KHDRBS2: variants seen among roughly 807,000 people sequenced by gnomAD.
The protein encoded by KHDRBS2 is KH domain-containing, RNA-binding, signal transduction-associated protein 2.
Under a neutral mutation model 44.3 loss-of-function variants are expected in KHDRBS2, and 26 were observed. That is an observed-to-expected ratio of 0.59 (90% CI 0.43 to 0.81). The LOEUF (loss-of-function observed/expected upper bound fraction) is 0.81. Among genes scored for constraint, KHDRBS2 ranks in the 40% least tolerant of loss-of-function variants. KHDRBS2 has a pLI of 0.00. For missense variants in KHDRBS2, 476 were observed against 433.1 expected, an observed-to-expected ratio of 1.10 and a Z score of -0.88; for synonymous variants, 194 against 151.1, an observed-to-expected ratio of 1.28 and a Z score of -2.08.
At chr6:61,553,751 T>G in the KHDRBS2 span, among the ~76,000 whole-genome samples, 16 of 152,200 alleles carry the variant, frequency 1.1e-4, no homozygotes, top group Non-Finnish European at 1.9e-4. Flanking sequence ...TTGATTTCAT[T>G]ATTTACCAAA....
the KHDRBS2 span, among the ~76,000 whole-genome samples, chr6:61,601,334 C>A: frequency 1.3e-5 from 2 of 152,084 alleles, no homozygotes; most frequent in African/African-American, 4.8e-5. Context: ...AACTTCCACC[C>A]TCCATTCCTC....
chr6:62,225,229 G>T lies in KHDRBS2; in HGVS notation c.92-47917C>A, dbSNP rs1465182006. Reference sequence around the variant, plus strand: ...GGTCTAATCTGATCAATCCAGGAGGGTTCACTTATCCCACTGATCTTTGTG... The same window carrying T: ...GGTCTAATCTGATCAATCCAGGAGGTTTCACTTATCCCACTGATCTTTGTG... On this transcript the variant is annotated intron_variant, in intron 1 of 8. Coordinates refer to ENST00000281156, the MANE Select transcript of KHDRBS2 (RefSeq NM_152688.4). Among the ~76,000 whole-genome samples, 5 of 152,068 alleles carry T rather than the reference G, an allele frequency of 3.3e-5. No individual in the cohort carries two copies. In the East Asian group the frequency reaches 7.7e-4, roughly 23 times the overall value.
At chr6:61,578,125 C>T in the KHDRBS2 span, among the ~76,000 whole-genome samples, 1 of 152,078 alleles carries the variant, frequency 6.6e-6, no homozygotes, top group African/African-American at 2.4e-5. Context: ...TTGGTTAAAA[C>T]ACTCAGAGCA....
the KHDRBS2 span, among the ~76,000 whole-genome samples, chr6:61,618,136 G>C: frequency 3.2e-4 from 49 of 152,242 alleles, no homozygotes; most frequent in East Asian, 3.9e-3. Flanking sequence ...TAACACTTTT[G>C]AAGGCAAATC....
At chr6:61,920,734 T>C (rs1441083610) in intron 4 of KHDRBS2, among the ~76,000 whole-genome samples, 1 of 151,960 alleles carries the variant, frequency 6.6e-6, no homozygotes, top group Non-Finnish European at 1.5e-5. Context: ...GATTCAGTCC[T>C]AAAAAAGTGC....
At chr6:62,177,832 T>C (rs921965404) in intron 1 of KHDRBS2, among the ~76,000 whole-genome samples, 2 of 151,446 alleles carry the variant, frequency 1.3e-5, no homozygotes, top group African/African-American at 2.4e-5. Context: ...AGAAAAGTCA[T>C]ATAAATGATT....
intron 2 of KHDRBS2, among the ~76,000 whole-genome samples, chr6:62,169,714 C>T (rs569366710): frequency 1.3e-5 from 2 of 152,116 alleles, no homozygotes; most frequent in African/African-American, 2.4e-5. Context: ...ATGCCCCGGC[C>T]CCACTGCATT....
intron 2 of KHDRBS2, among the ~76,000 whole-genome samples, chr6:62,087,203 C>G (rs1165509760): frequency 6.6e-6 from 1 of 152,036 alleles, no homozygotes; most frequent in East Asian, 1.9e-4. Flanking sequence ...ATCCATATAA[C>G]ATTCCACAAA....
chr6:61,672,432 C>T, the KHDRBS2 span, among the ~76,000 whole-genome samples: 1 of 152,072 alleles, frequency 6.6e-6, no homozygotes, highest in African/African-American at 2.4e-5. Flanking sequence ...CTGACTTCCA[C>T]AATGGCTGAA....
chr6:62,028,174 A>T (rs1783717172), intron 3 of KHDRBS2, among the ~76,000 whole-genome samples: 1 of 151,812 alleles, frequency 6.6e-6, no homozygotes, highest in South Asian at 2.1e-4. Flanking sequence ...CTGGGAAAAA[A>T]CTCCACACAT....
intron 1 of KHDRBS2, among the ~76,000 whole-genome samples, chr6:62,220,123 C>T (rs1246839452): frequency 6.6e-6 from 1 of 151,324 alleles, no homozygotes; most frequent in African/African-American, 2.4e-5. Context: ...AAGCCAGAAG[C>T]AATTGAATGA....
chr6:61,635,384 T>A, the KHDRBS2 span, among the ~76,000 whole-genome samples: 1 of 151,958 alleles, frequency 6.6e-6, no homozygotes, highest in Non-Finnish European at 1.5e-5. Flanking sequence ...TTCTCCCTAA[T>A]TTTAAAACCG....
chr6:61,742,407 T>C (rs1776265446), intron 6 of KHDRBS2, among the ~76,000 whole-genome samples: 1 of 152,042 alleles, frequency 6.6e-6, no homozygotes, highest in African/African-American at 2.4e-5. Context: ...AATATTTTGA[T>C]AGTTACTATT....
chr6:61,955,037 CATGTATGTATACATAT>C (rs1214857182), intron 4 of KHDRBS2, among the ~76,000 whole-genome samples: 5 of 142,930 alleles, frequency 3.5e-5, no homozygotes, highest in South Asian at 2.2e-4. Context: ...TATATACATA[CATGTATGTATACATAT>C]ATGTATGTAT....
At chr6:61,831,171 G>T (rs1010201064) in intron 6 of KHDRBS2, among the ~76,000 whole-genome samples, 4 of 152,036 alleles carry the variant, frequency 2.6e-5, no homozygotes, top group Non-Finnish European at 5.9e-5. Flanking sequence ...GCCTTTTTAA[G>T]ACATGTTCAG....
the KHDRBS2 span, among the ~76,000 whole-genome samples, chr6:61,673,232 C>T: frequency 2.0e-5 from 3 of 152,070 alleles, no homozygotes; most frequent in Non-Finnish European, 2.9e-5. Flanking sequence ...CAGTACCATG[C>T]TGTTTTGGTT....
chr6:61,566,034 T>C, the KHDRBS2 span, among the ~76,000 whole-genome samples: 1 of 151,914 alleles, frequency 6.6e-6, no homozygotes, highest in Admixed American at 6.6e-5. Flanking sequence ...TGTGCATGTG[T>C]GTGTATGCAA....
At chr6:62,248,393 C>T (rs1252185686) in intron 1 of KHDRBS2, among the ~76,000 whole-genome samples, 1 of 151,822 alleles carries the variant, frequency 6.6e-6, no homozygotes, top group Non-Finnish European at 1.5e-5. Flanking sequence ...GAGTCTTGCT[C>T]TGTCACCCAG....
At chr6:61,896,086 A>G (rs1350521095) in intron 5 of KHDRBS2, among the ~76,000 whole-genome samples, 2 of 152,194 alleles carry the variant, frequency 1.3e-5, no homozygotes, top group African/African-American at 4.8e-5. Context: ...CTGCAAGTAC[A>G]ACATGGCTAA....
Sources: allele counts gnomAD v4.1 joint callset (sites outside exome capture counted in the v4.1 genomes callset), GRCh38; gene constraint gnomAD v4.1.1; transcripts MANE v1.5; gene names NCBI Gene and HGNC (gene_info 2026-07-23, HGNC 2026-07-21).